Variants in STPG2 observed in about 807,000 individuals in gnomAD.
The protein encoded by STPG2 is sperm tail PG-rich repeat containing 2, also known as sperm-tail PG-rich repeat-containing protein 2.
Under a neutral mutation model 54.2 loss-of-function variants are expected in STPG2, and 56 were observed. That is an observed-to-expected ratio of 1.03 (90% CI 0.83 to 1.29). STPG2 has a LOEUF of 1.29. Among genes scored for constraint, STPG2 ranks in the 50% most tolerant of loss-of-function variants. The probability of loss-of-function intolerance (pLI) is 0.00; values close to 1 mark genes in which losing one functional copy is unlikely to be tolerated. For missense variants in STPG2, 596 were observed against 544.9 expected (o/e 1.09, Z -0.93); for synonymous variants, 200 against 181.8 (o/e 1.10, Z -0.81).
chr4:97,502,928 A>C (rs77633438), intron 4 of STPG2, among the ~76,000 whole-genome samples: 6,313 of 151,970 alleles, frequency 0.042, 342 homozygotes, highest in African/African-American at 0.13. Context: ...TACTTCCTCC[A>C]ATTGAAGCTC....
chr4:97,752,199 T>C (rs1378843), intron 9 of STPG2, among the ~76,000 whole-genome samples: 127,092 of 151,530 alleles, frequency 0.84, 53,475 homozygotes, highest in Middle Eastern at 0.94. Context: ...GACTCCTCTA[T>C]AGAAATTTTA....
intron 10 of STPG2, among the ~76,000 whole-genome samples, chr4:97,701,233 A>G (rs965206143): frequency 5.3e-5 from 8 of 152,124 alleles, no homozygotes; most frequent in Admixed American, 1.3e-4. Context: ...AAGTATGTCT[A>G]TGCCAGTTAT....
chr4:98,128,230 T>C lies in STPG2; in HGVS notation c.387+198A>G, dbSNP rs575019223. Among the ~76,000 whole-genome samples the C allele has an allele frequency of 9.2e-5, 14 of 152,306 alleles. No individual in the cohort carries two copies. The South Asian group carries it at 2.9e-3, about 32-fold the overall frequency. On this transcript the variant is annotated intron_variant, in intron 3 of 10. Transcript: ENST00000295268. ...GAAGGAAAGTCACTTAACGAGAATG[T>C]CCATGTGAATGAGGAAAAATAATTC...
intron 5 of STPG2, among the ~76,000 whole-genome samples, chr4:98,076,282 A>T (rs1738165851): frequency 6.6e-6 from 1 of 151,930 alleles, no homozygotes. Flanking sequence ...GTAGTGAACC[A>T]TCCACGTAAT....
At chr4:97,616,051 CATATAAAT>C (rs1431610388) in intron 10 of STPG2, among the ~76,000 whole-genome samples, 12 of 23,238 alleles carry the variant, frequency 5.2e-4, no homozygotes, top group African/African-American at 2.4e-3. Context: ...AAAAAAAATA[CATATAAAT>C]ATATATATAT....
chr4:98,028,533 G>C (rs1052641532), intron 5 of STPG2, among the ~76,000 whole-genome samples: 1 of 152,080 alleles, frequency 6.6e-6, no homozygotes, highest in Non-Finnish European at 1.5e-5. Context: ...TTCACTAGCA[G>C]TAAGTATCTT....
At chr4:97,807,138 T>C (rs1727591217) in intron 9 of STPG2, among the ~76,000 whole-genome samples, 1 of 151,402 alleles carries the variant, frequency 6.6e-6, no homozygotes, top group Admixed American at 6.6e-5. Flanking sequence ...TGATGTAATA[T>C]TGGAATAATA....
At chr4:97,744,291 A>C (rs2149040064) in intron 9 of STPG2, among the ~76,000 whole-genome samples, 1 of 151,458 alleles carries the variant, frequency 6.6e-6, no homozygotes, top group Middle Eastern at 3.4e-3. Context: ...ATGTAGAATA[A>C]GCTGTGATGA....
intron 9 of STPG2, among the ~76,000 whole-genome samples, chr4:97,751,284 C>A (rs1213438858): frequency 6.6e-6 from 1 of 151,714 alleles, no homozygotes; most frequent in Non-Finnish European, 1.5e-5. Flanking sequence ...TAGTCGATAT[C>A]CTGTTGTTGT....
chr4:97,565,129 G>C (rs558603312), intron 10 of STPG2, among the ~76,000 whole-genome samples: 5 of 152,012 alleles, frequency 3.3e-5, no homozygotes, highest in Non-Finnish European at 4.4e-5. Flanking sequence ...GGCTTTGTTC[G>C]TTTCTTTTTA....
intron 10 of STPG2, among the ~76,000 whole-genome samples, chr4:97,697,947 ATGCTTATCAC>A (rs1723638652): frequency 1.3e-5 from 2 of 152,214 alleles, no homozygotes; most frequent in Admixed American, 1.3e-4. Context: ...TATAGAAACA[ATGCTTATCAC>A]TGCCTTACTG....
intron 10 of STPG2, among the ~76,000 whole-genome samples, chr4:97,654,811 C>G (rs187970952): frequency 7.0e-6 from 1 of 143,262 alleles, no homozygotes; most frequent in South Asian, 2.1e-4. Context: ...TAAAAAAAAT[C>G]ATAAATAACA....
At chr4:97,971,220 TA>T (rs1238162582) in intron 7 of STPG2, among the ~76,000 whole-genome samples, 1 of 152,148 alleles carries the variant, frequency 6.6e-6, no homozygotes, top group Non-Finnish European at 1.5e-5. Context: ...GTAAATTAGT[TA>T]ATCATTGTGG....
At chr4:97,963,111 A>C (rs762614831) in intron 7 of STPG2, among the ~76,000 whole-genome samples, 26 of 152,186 alleles carry the variant, frequency 1.7e-4, no homozygotes, top group Non-Finnish European at 3.5e-4. Flanking sequence ...GTGAGCAGAC[A>C]TCGCACCATT....
intron 4 of STPG2, among the ~76,000 whole-genome samples, chr4:97,453,669 A>G (rs1729436511): frequency 6.6e-6 from 1 of 152,230 alleles, no homozygotes; most frequent in South Asian, 2.1e-4. Context: ...ATGACTTCCA[A>G]GAAAAAATAT....
intron 7 of STPG2, among the ~76,000 whole-genome samples, chr4:97,947,715 T>C (rs28833816): frequency 0.26 from 39,860 of 152,004 alleles, 5,697 homozygotes; most frequent in Middle Eastern, 0.36. Flanking sequence ...TTTACTGACA[T>C]GCTTATGTTA....
At chr4:97,776,837 T>G (rs900284154) in intron 9 of STPG2, among the ~76,000 whole-genome samples, 2 of 152,188 alleles carry the variant, frequency 1.3e-5, no homozygotes, top group Non-Finnish European at 2.9e-5. Flanking sequence ...TACTATTGCC[T>G]TCTGTTTTTC....
intron 5 of STPG2, among the ~76,000 whole-genome samples, chr4:97,982,393 C>CAA (rs1217040090): frequency 2.0e-5 from 3 of 151,354 alleles, no homozygotes; most frequent in Non-Finnish European, 4.4e-5. Context: ...CACACACACA[C>CAA]ACACACACAC....
intron 9 of STPG2, among the ~76,000 whole-genome samples, chr4:97,741,583 C>T (rs535696140): frequency 6.6e-6 from 1 of 152,290 alleles, no homozygotes; most frequent in South Asian, 2.1e-4. Context: ...CAAAGGTAGA[C>T]ATGTATGCAG....
Sources: gnomAD v4.1 joint callset for allele counts (sites outside exome capture counted in the v4.1 genomes callset) on GRCh38, gnomAD v4.1.1 for gene constraint, MANE v1.5 for transcripts, NCBI Gene and HGNC (gene_info 2026-07-23, HGNC 2026-07-21) for gene names.